The following DPP6 variants were observed in gnomAD, a reference collection of about 807,000 sequenced individuals.
DPP6 encodes dipeptidyl peptidase like 6, also known as A-type potassium channel modulatory protein DPP6.
DPP6 carries 69 observed loss-of-function variants against 122.6 expected under a neutral mutation model. The observed-to-expected ratio is 0.56, with a 90% CI of 0.46 to 0.69. The LOEUF is 0.69. Among genes scored for constraint, DPP6 ranks in the 30% least tolerant of loss-of-function variants. DPP6 has a pLI of 0.00. For missense variants in DPP6, 928 were observed against 1,116.9 expected, an observed-to-expected ratio of 0.83 and a Z score of 2.41; for synonymous variants, 418 against 433.1, an observed-to-expected ratio of 0.97 and a Z score of 0.43.
chr7:154,200,429 G>A (rs1799111991), intron 1 of DPP6, among the ~76,000 whole-genome samples: 1 of 152,162 alleles, frequency 6.6e-6, no homozygotes. Context: ...TCGAACGCTA[G>A]TGTGCAGCTG....
At chr7:154,539,180 T>C (rs1317231175) in intron 3 of DPP6, among the ~76,000 whole-genome samples, 1 of 152,154 alleles carries the variant, frequency 6.6e-6, no homozygotes, top group African/African-American at 2.4e-5. Flanking sequence ...AAAGATAGTG[T>C]TTTCCTTCTC....
chr7:154,731,563 G>A (rs536165074), intron 8 of DPP6, among the ~76,000 whole-genome samples: 79 of 152,240 alleles, frequency 5.2e-4, no homozygotes, highest in African/African-American at 1.9e-3. Context: ...CTCAGCACTG[G>A]CTGTGAACTC....
the DPP6 span, among the ~76,000 whole-genome samples, chr7:153,849,848 C>T: frequency 6.6e-6 from 1 of 152,102 alleles, no homozygotes; most frequent in Non-Finnish European, 1.5e-5. Flanking sequence ...TCTTTACAAA[C>T]ATTTTCATTC....
upstream of DPP6, among the ~76,000 whole-genome samples, chr7:153,886,351 G>A (rs1274926130): frequency 6.6e-6 from 1 of 152,154 alleles, no homozygotes; most frequent in East Asian, 1.9e-4. Context: ...CCCAGGTCGC[G>A]GTCACTGGTC....
At chr7:154,514,428 C>T (rs927166594) in intron 3 of DPP6, among the ~76,000 whole-genome samples, 3 of 151,944 alleles carry the variant, frequency 2.0e-5, no homozygotes, top group African/African-American at 7.2e-5. Context: ...CCATTTTAAC[C>T]ATGTAAAAGT....
chr7:154,004,124 G>T (rs1412837054), intron 1 of DPP6, among the ~76,000 whole-genome samples: 1 of 152,222 alleles, frequency 6.6e-6, no homozygotes, highest in Non-Finnish European at 1.5e-5. Flanking sequence ...AGCATGAGTG[G>T]ATAGTCATGA....
chr7:153,960,481 G>C (rs1440644384), intron 1 of DPP6, among the ~76,000 whole-genome samples: 1 of 151,988 alleles, frequency 6.6e-6, no homozygotes, highest in Non-Finnish European at 1.5e-5. Flanking sequence ...TCCTGCAAAA[G>C]ATTAGGGATG....
intron 3 of DPP6, among the ~76,000 whole-genome samples, chr7:154,479,764 A>G (rs1823092226): frequency 6.6e-6 from 1 of 152,000 alleles, no homozygotes; most frequent in Non-Finnish European, 1.5e-5. Flanking sequence ...ACTCCACTCT[A>G]GGGGCTGTGA....
At chr7:153,938,227 C>T (rs1041198217) in intron 1 of DPP6, among the ~76,000 whole-genome samples, 4 of 152,180 alleles carry the variant, frequency 2.6e-5, no homozygotes, top group African/African-American at 4.8e-5. Flanking sequence ...TGCCTTTCAT[C>T]TTCGTTCTAC....
chr7:154,445,750 C>A (rs1819809905), intron 1 of DPP6, among the ~76,000 whole-genome samples: 1 of 148,900 alleles, frequency 6.7e-6, no homozygotes. Flanking sequence ...ATTTGGTACC[C>A]TGAAATAGAA....
intron 1 of DPP6, among the ~76,000 whole-genome samples, chr7:153,970,027 A>T (rs541268046): frequency 6.2e-4 from 94 of 152,234 alleles, no homozygotes; most frequent in African/African-American, 2.0e-3. Flanking sequence ...ATTCTTTGTT[A>T]TTATTATGTA....
chr7:154,459,206 T>A (rs1821057818), intron 2 of DPP6, among the ~76,000 whole-genome samples: 1 of 152,216 alleles, frequency 6.6e-6, no homozygotes, highest in Non-Finnish European at 1.5e-5. Context: ...AATGATAATT[T>A]CTGAGACTAA....
intron 12 of DPP6, among the ~76,000 whole-genome samples, chr7:154,800,291 A>ATGGGTTCAC (rs1482673216): frequency 6.6e-6 from 1 of 152,218 alleles, no homozygotes; most frequent in Admixed American, 6.5e-5. Flanking sequence ...CTCTGGGCAT[A>ATGGGTTCAC]TCATATCTGC....
intron 16 of DPP6, among the ~76,000 whole-genome samples, chr7:154,848,302 G>C (rs926236359): frequency 6.6e-6 from 1 of 151,606 alleles, no homozygotes; most frequent in Non-Finnish European, 1.5e-5. Context: ...GCATATAAAG[G>C]TTTCCTTTTC....
chr7:154,386,843 A>G (rs1814155774), intron 1 of DPP6, among the ~76,000 whole-genome samples: 1 of 152,204 alleles, frequency 6.6e-6, no homozygotes, highest in Admixed American at 6.5e-5. Context: ...TCTCACAGAG[A>G]TGAAGCACCC....
At chr7:154,497,085 A>G (rs1563761958) in intron 3 of DPP6, among the ~76,000 whole-genome samples, 3 of 151,584 alleles carry the variant, frequency 2.0e-5, no homozygotes. Flanking sequence ...ATTGTAGGTT[A>G]AAATAGCCCA....
intron 5 of DPP6, among the ~76,000 whole-genome samples, chr7:154,627,401 T>C (rs1586763595): frequency 6.6e-6 from 1 of 151,774 alleles, no homozygotes; most frequent in Non-Finnish European, 1.5e-5. Flanking sequence ...GGTTTCACCA[T>C]GTTGGCCAGG....
At chr7:154,666,630 C>T (rs552285272) in intron 6 of DPP6, among the ~76,000 whole-genome samples, 1 of 152,138 alleles carries the variant, frequency 6.6e-6, no homozygotes, top group East Asian at 1.9e-4. Flanking sequence ...AACTTTGTAT[C>T]TTTTTATCAG....
chr7:154,034,010 A>G (rs1433281138), intron 1 of DPP6, among the ~76,000 whole-genome samples: 3 of 152,206 alleles, frequency 2.0e-5, no homozygotes, highest in Non-Finnish European at 2.9e-5. Context: ...TGACATTGGT[A>G]GAAGGCTCAT....
Sources: allele counts gnomAD v4.1 joint callset (sites outside exome capture counted in the v4.1 genomes callset), GRCh38; gene constraint gnomAD v4.1.1; transcripts MANE v1.5; gene names NCBI Gene and HGNC (gene_info 2026-07-23, HGNC 2026-07-21).